The following SYNE1 variants were observed in gnomAD, a reference collection of about 807,000 sequenced individuals.
SYNE1 encodes the protein spectrin repeat containing nuclear envelope protein 1.
SYNE1 carries 616 observed loss-of-function variants against 1,111.0 expected under a neutral mutation model. The ratio of observed to expected loss-of-function variants is 0.55; its 90% CI spans 0.52 to 0.59. The LOEUF (loss-of-function observed/expected upper bound fraction) is 0.59. Ranked by LOEUF, SYNE1 falls within the 20% of genes least tolerant of loss-of-function variation. The pLI is 0.00. For synonymous variants in SYNE1, 3,855 were observed against 3,825.8 expected, an observed-to-expected ratio of 1.01 and a Z score of -0.28; for missense variants, 10,006 against 10,417.0, an observed-to-expected ratio of 0.96 and a Z score of 1.72.
In SYNE1 at chr6:152,628,287, G is replaced by A. The variant is rs762133753; in HGVS notation, c.45C>T (p.Ala15=). 3.7e-6 allele frequency: 6 copies of A among 1,613,872 alleles called. No individual in the cohort carries two copies. The East Asian group carries it at 1.3e-4, about 36-fold the overall frequency. ...RGASRCPRDI[A]NVMQRLQDEQ... is the part of the protein sequence containing the mutation. Reference sequence around the variant, plus strand: ...TACCTTGCAGCCTCTGCATCACATTGGCGATATCCCGAGGACACCGGGAGG... The same window carrying A: ...TACCTTGCAGCCTCTGCATCACATTAGCGATATCCCGAGGACACCGGGAGG... The change falls in exon 3 of 146, where the codon GCC becomes GCT. Residue 15 remains alanine (A), a synonymous_variant. Transcript: ENST00000367255.
intron 87 of SYNE1, 62 bp from the exon 88 acceptor site, chr6:152,310,935 T>C (rs2153837143): frequency 3.2e-6 from 5 of 1,544,484 alleles, no homozygotes; most frequent in East Asian, 2.3e-5. Flanking sequence ...AGATATTCAA[T>C]ATAGCTTGGC....
chr6:152,451,452 A>C (rs944051162), intron 25 of SYNE1, among the ~76,000 whole-genome samples: 2 of 145,252 alleles, frequency 1.4e-5, no homozygotes, highest in Non-Finnish European at 3.0e-5. Context: ...TAATTTTCAC[A>C]GTAGCCCTGC....
At chr6:152,525,020 C>T (rs980404136) in intron 5 of SYNE1, among the ~76,000 whole-genome samples, 1 of 152,142 alleles carries the variant, frequency 6.6e-6, no homozygotes, top group Non-Finnish European at 1.5e-5. Flanking sequence ...ACTACGAGTG[C>T]TTGAAGAAAG....
chr6:152,306,458 C>G (rs1035223386), intron 91 of SYNE1, among the ~76,000 whole-genome samples: 1 of 150,716 alleles, frequency 6.6e-6, no homozygotes, highest in African/African-American at 2.4e-5. Flanking sequence ...TGCACTCCAG[C>G]CTGGGCAACA....
chr6:152,553,089 A>T (rs2099353246), intron 3 of SYNE1, among the ~76,000 whole-genome samples: 1 of 152,208 alleles, frequency 6.6e-6, no homozygotes, highest in Non-Finnish European at 1.5e-5. Context: ...CATATTATCT[A>T]ATTAAAACTT....
At chr6:152,154,300 A>G (rs1281498680) in intron 133 of SYNE1, among the ~76,000 whole-genome samples, 1 of 152,172 alleles carries the variant, frequency 6.6e-6, no homozygotes, top group Non-Finnish European at 1.5e-5. Context: ...TTCTTTATGA[A>G]TATGATTACA....
At chr6:152,615,429 T>A (rs1224834980) in intron 3 of SYNE1, among the ~76,000 whole-genome samples, 1 of 11,770 alleles carries the variant, frequency 8.5e-5, no homozygotes, top group Non-Finnish European at 1.9e-4. Context: ...CTTGAAACTA[T>A]TTTTTTTTAA....
In SYNE1 at chr6:152,284,238, G is replaced by A. The variant is rs898534809; in HGVS notation, c.18013-66C>T. ...CTTCACTGAGGGATCATTAGCACTA[G>A]CTGAGTCTCACATCCATTGGGATTA... is the stretch of plus-strand genomic sequence containing the variant. On this transcript the variant is annotated intron_variant, in intron 95 of 145. Transcript: ENST00000367255. 7.9e-6 allele frequency: 12 copies of A among 1,525,178 alleles called. No homozygotes were observed. In the East Asian group the frequency reaches 2.3e-4, roughly 29 times the overall value. 94.5% of individuals were successfully genotyped at this position (1,525,178 alleles called of 1,614,324 possible).
intron 2 of SYNE1, among the ~76,000 whole-genome samples, chr6:152,635,060 G>A (rs145258873): frequency 7.4e-4 from 113 of 152,336 alleles, no homozygotes; most frequent in African/African-American, 2.7e-3. Flanking sequence ...CCAAGATGCT[G>A]TGTGTGCAGC....
intron 14 of SYNE1, among the ~76,000 whole-genome samples, chr6:152,481,896 A>G (rs2098904212): frequency 6.6e-6 from 1 of 151,752 alleles, no homozygotes; most frequent in Admixed American, 6.6e-5. Context: ...ATCTGCACAG[A>G]TGAAGAAGAC....
rs1289901530 is a variant in SYNE1, at chr6:152,325,276, G to T, written c.15465C>A (p.Phe5155Leu). 17 of 1,614,082 alleles carry T rather than the reference G, an allele frequency of 1.1e-5. No homozygotes were observed. Among genetic ancestry groups the T allele is most frequent in the Non-Finnish European group, 1.4e-5 (17 of 1,180,048 alleles). The change falls in exon 81 of 146, where the codon TTC (phenylalanine) becomes TTA (leucine). Residue 5155 changes from phenylalanine (F) to leucine (L), a missense_variant. Around this residue, in one of 7 missense-constraint regions of SYNE1, gnomAD observed 4,955 missense variants for 5,017.2 expected, o/e 0.99. Transcript: ENST00000367255. Reference protein sequence around the residue: ...HKALVSVVNSFHEKIVALEEK... With the variant: ...HKALVSVVNSLHEKIVALEEK... ...CCTCAAGGGCCACAATTTTCTCATG[G>T]AAAGAGTTAACCACTGACACTAAAG...
At chr6:152,194,320 G>C (rs1177583442) in intron 127 of SYNE1, among the ~76,000 whole-genome samples, 2 of 152,164 alleles carry the variant, frequency 1.3e-5, no homozygotes, top group Non-Finnish European at 2.9e-5. Flanking sequence ...CCTTAAAAAT[G>C]TCACCTCACT....
intron 11 of SYNE1, among the ~76,000 whole-genome samples, chr6:152,491,760 C>A (rs2098971932): frequency 6.6e-6 from 1 of 152,134 alleles, no homozygotes; most frequent in Admixed American, 6.5e-5. Flanking sequence ...TTCTTTCTCT[C>A]CTGTCTGTTC....
At chr6:152,451,323 G>A (rs2098647399) in intron 25 of SYNE1, 118 bp from the exon 26 acceptor site, 2 of 992,926 alleles carry the variant, frequency 2.0e-6, no homozygotes, top group Non-Finnish European at 1.5e-6. Context: ...GGGCCAGTGT[G>A]AATGGGTCAC....
At chr6:152,269,010 A>G (rs1388717186) in intron 99 of SYNE1, 145 bp downstream of exon 99, 1 of 1,255,302 alleles carries the variant, frequency 8.0e-7, no homozygotes, top group Non-Finnish European at 1.1e-6. Flanking sequence ...ACACTGAAAC[A>G]CCAACATCTT....
Position 152,358,550 on chromosome 6 carries a change from T to C in SYNE1, c.10444-13A>G. On this transcript the variant is annotated splice_polypyrimidine_tract_variant and intron_variant, in intron 65 of 145. Coordinates refer to ENST00000367255, the MANE Select transcript of SYNE1 (RefSeq NM_182961.4). ...TGGTTACGGCTTCCTATAATTAGCA[T>C]TTAAAATAATGAAGTTAGGAACACA... 6.2e-7 allele frequency: 1 copy of C among 1,614,002 alleles called. No homozygotes were observed. The highest frequency in any genetic ancestry group is 1.7e-5 in the Admixed American group (1 of 60,016).
At chr6:152,230,766 CTAAT>C in intron 114 of SYNE1, 64 bp from the exon 115 acceptor site, 1 of 1,514,758 alleles carries the variant, frequency 6.6e-7, no homozygotes, top group Non-Finnish European at 9.0e-7. Context: ...CATTAGCAGA[CTAAT>C]TATTCTAGCC....
chr6:152,364,756 G>A (rs909625351), intron 63 of SYNE1, 91 bp downstream of exon 63: 2 of 1,488,148 alleles, frequency 1.3e-6, no homozygotes, highest in Non-Finnish European at 1.8e-6. Flanking sequence ...GGGAAGGGAA[G>A]GGAAGCCGGC....
In SYNE1 at chr6:152,545,077, T is replaced by G. The variant is rs2099302278; in HGVS notation, c.68-5056A>C. Among the ~76,000 whole-genome samples, 2 of 152,162 alleles carry G rather than the reference T, an allele frequency of 1.3e-5. 1 individual carries two copies. Among genetic ancestry groups the G allele is most frequent in the Non-Finnish European group, 2.9e-5 (2 of 68,020 alleles). On this transcript the variant is annotated intron_variant, in intron 3 of 145. Transcript: ENST00000367255. ...ACTTAACAGATGGTATGTTTAAAAT[T>G]TGGACAGTAAATGAAATTAGTATAT... is the stretch of plus-strand genomic sequence containing the variant.
Sources: gnomAD v4.1 joint callset for allele counts (sites outside exome capture counted in the v4.1 genomes callset) on GRCh38, gnomAD v4.1.1 for gene constraint, gnomAD v4.1.1 regional missense constraint, MANE v1.5 for transcripts, NCBI Gene and HGNC (gene_info 2026-07-23, HGNC 2026-07-21) for gene names.